RARB: variants seen among roughly 807,000 people sequenced by gnomAD.
RARB encodes retinoic acid receptor beta.
Under a neutral mutation model 51.9 loss-of-function variants are expected in RARB, and 17 were observed. That is an observed-to-expected ratio of 0.33 (90% confidence interval 0.22 to 0.49). The LOEUF is 0.49. Among genes scored for constraint, RARB ranks in the 20% least tolerant of loss-of-function variants. The pLI is 0.99. For missense variants in RARB, 369 were observed against 550.8 expected (o/e 0.67, Z 3.30); for synonymous variants, 215 against 195.4 (o/e 1.10, Z -0.84).
intron 3 of RARB, among the ~76,000 whole-genome samples, chr3:25,126,049 C>T (rs1699854626): frequency 6.6e-6 from 1 of 152,096 alleles, no homozygotes; most frequent in African/African-American, 2.4e-5. Flanking sequence ...GATTCACTGC[C>T]AGTTGAAAAT....
chr3:25,440,316 C>A (rs956672230), intron 1 of RARB, among the ~76,000 whole-genome samples: 1 of 151,680 alleles, frequency 6.6e-6, no homozygotes, highest in African/African-American at 2.4e-5. Flanking sequence ...CGTGGTGGCA[C>A]GCACCTGTAG....
chr3:24,952,997 A>G (rs1042067742), intron 2 of RARB, among the ~76,000 whole-genome samples: 1 of 152,290 alleles, frequency 6.6e-6, no homozygotes, highest in Middle Eastern at 3.4e-3. Flanking sequence ...AGTATAGCCT[A>G]TTGAAACTAC....
Position 25,569,784 on chromosome 3 carries a change from A to C in RARB, c.475A>C (p.Lys159Gln). 6.2e-7 allele frequency: 1 copy of C among 1,614,176 alleles called. No homozygotes were observed. Among genetic ancestry groups the C allele is most frequent in the Non-Finnish European group, 8.5e-7 (1 of 1,180,024 alleles). The change falls in exon 4 of 8, where the codon AAG becomes CAG. Residue 159 changes from lysine (K) to glutamine (Q), a missense_variant. By Grantham distance (53) the Lys-to-Gln change is moderately conservative. Coordinates refer to ENST00000330688, the MANE Select transcript of RARB (RefSeq NM_000965.5). ...TGTCAGGAATGACAGGAACAAGAAA[A>C]AGAAGGAGACTTCGAAGCAAGAATG... ...ESVRNDRNKK[K>Q]KETSKQECTE...
chr3:25,161,836 A>G (rs1404856539), intron 4 of RARB, among the ~76,000 whole-genome samples: 1 of 152,200 alleles, frequency 6.6e-6, no homozygotes, highest in Non-Finnish European at 1.5e-5. Flanking sequence ...GGGCCCATGG[A>G]ATGTATGCAT....
chr3:24,919,618 A>T (rs1225071760), intron 2 of RARB, among the ~76,000 whole-genome samples: 1 of 152,206 alleles, frequency 6.6e-6, no homozygotes, highest in Admixed American at 6.5e-5. Context: ...AGGCTGCCCA[A>T]TTAGTGAATT....
At chr3:25,293,272 C>CA (rs1052682816) in intron 5 of RARB, among the ~76,000 whole-genome samples, 23 of 152,058 alleles carry the variant, frequency 1.5e-4, no homozygotes, top group African/African-American at 5.1e-4. Context: ...CTGGCCGTGT[C>CA]AGTCTGGGCA....
chr3:25,068,133 C>CAAAAAAAAAAAA (rs55826425), intron 3 of RARB, among the ~76,000 whole-genome samples: 3 of 33,270 alleles, frequency 9.0e-5, no homozygotes, highest in African/African-American at 1.0e-4. Flanking sequence ...GACTCCATCT[C>CAAAAAAAAAAAA]AAAAAAAAAA....
chr3:25,487,558 C>T (rs1696533324), intron 2 of RARB, among the ~76,000 whole-genome samples: 3 of 150,434 alleles, frequency 2.0e-5, no homozygotes, highest in Admixed American at 2.0e-4. Context: ...ATTAAGATAA[C>T]AAGATGAGAG....
chr3:24,871,519 A>G (rs1294538621), intron 2 of RARB, among the ~76,000 whole-genome samples: 1 of 152,030 alleles, frequency 6.6e-6, no homozygotes, highest in Non-Finnish European at 1.5e-5. Flanking sequence ...CCCAAAATCT[A>G]TAGATTGAAT....
At position 24,860,686 on chromosome 3, in the gene RARB, T is replaced by A. The variant is rs545132933; in HGVS notation, c.-380+1934T>A. Among the ~76,000 whole-genome samples the A allele has an allele frequency of 2.1e-4, 32 of 152,322 alleles. 1 individual carries two copies. The South Asian group carries it at 5.4e-3, about 26-fold the overall frequency. ...AGTCTTTAAATTTCTTCTAAATCAT[T>A]GCAAGCTTTTTCTAAATAGAATACC... is the stretch of plus-strand genomic sequence containing the variant. On this transcript the variant is annotated intron_variant, in intron 2 of 11. Coordinates refer to the RARB transcript ENST00000383772.
At chr3:25,407,613 A>C (rs1559388120) in intron 5 of RARB, among the ~76,000 whole-genome samples, 1 of 152,090 alleles carries the variant, frequency 6.6e-6, no homozygotes, top group Non-Finnish European at 1.5e-5. Flanking sequence ...ACCTCGTTTT[A>C]TATATTTGCA....
intron 5 of RARB, among the ~76,000 whole-genome samples, chr3:25,251,115 A>G (rs559151935): frequency 6.6e-6 from 1 of 152,138 alleles, no homozygotes; most frequent in South Asian, 2.1e-4. Flanking sequence ...ACATTCCTCT[A>G]TTCAGCCACC....
At chr3:25,246,264 C>T (rs1457356698) in intron 5 of RARB, among the ~76,000 whole-genome samples, 1 of 152,062 alleles carries the variant, frequency 6.6e-6, no homozygotes, top group Non-Finnish European at 1.5e-5. Flanking sequence ...TGGATTAGAA[C>T]ATGCTCCTTT....
At chr3:25,073,984 A>G (rs1005378912) in intron 3 of RARB, among the ~76,000 whole-genome samples, 23 of 152,222 alleles carry the variant, frequency 1.5e-4, no homozygotes, top group African/African-American at 9.6e-5. Context: ...GCCTCAGTAC[A>G]TGACAAAATC....
chr3:25,395,613 G>A (rs1457397664), intron 5 of RARB, among the ~76,000 whole-genome samples: 3 of 151,400 alleles, frequency 2.0e-5, no homozygotes, highest in Admixed American at 1.3e-4. Flanking sequence ...TCTTTTTTTT[G>A]TCTTTGTTGG....
At chr3:25,438,023 G>T (rs1196529052) in intron 1 of RARB, among the ~76,000 whole-genome samples, 1 of 152,228 alleles carries the variant, frequency 6.6e-6, no homozygotes, top group Non-Finnish European at 1.5e-5. Flanking sequence ...CCGCTGGGCA[G>T]ACCCTCTGCT....
At chr3:25,051,596 C>T (rs188157248) in intron 2 of RARB, among the ~76,000 whole-genome samples, 484 of 16,668 alleles carry the variant, frequency 0.029, 9 homozygotes, top group East Asian at 0.26. Flanking sequence ...TAAGACTACA[C>T]ATTCAATTTA....
At chr3:25,517,986 G>A (rs1698241534) in intron 3 of RARB, among the ~76,000 whole-genome samples, 1 of 152,182 alleles carries the variant, frequency 6.6e-6, no homozygotes, top group Non-Finnish European at 1.5e-5. Context: ...GCTAGAAGTT[G>A]TCAAGCAGTG....
chr3:25,395,244 C>T (rs1707083828), intron 5 of RARB, among the ~76,000 whole-genome samples: 1 of 152,196 alleles, frequency 6.6e-6, no homozygotes, highest in Non-Finnish European at 1.5e-5. Context: ...TCCCTTGTGG[C>T]TTGAAGGGTT....
Sources: allele counts gnomAD v4.1 joint callset (sites outside exome capture counted in the v4.1 genomes callset), GRCh38; gene constraint gnomAD v4.1.1; transcripts MANE v1.5; gene names NCBI Gene and HGNC (gene_info 2026-07-23, HGNC 2026-07-21).